NRXN3: variants seen among roughly 807,000 people sequenced by gnomAD.
NRXN3 encodes neurexin III.
NRXN3 carries 32 observed loss-of-function variants against 137.6 expected under a neutral mutation model. That is an observed-to-expected ratio of 0.23 (90% CI 0.18 to 0.31). NRXN3 has a LOEUF of 0.31. Ranked by LOEUF, NRXN3 falls within the 10% of genes least tolerant of loss-of-function variation. The probability of loss-of-function intolerance (pLI) is 1.00; values close to 1 mark genes in which losing one functional copy is unlikely to be tolerated. For missense variants in NRXN3, 1,574 were observed against 2,062.5 expected, an observed-to-expected ratio of 0.76 and a Z score of 4.59; for synonymous variants, 798 against 784.5, an observed-to-expected ratio of 1.02 and a Z score of -0.29.
chr14:78,458,811 T>G (rs59762056), intron 4 of NRXN3, among the ~76,000 whole-genome samples: 3,311 of 152,354 alleles, frequency 0.022, 114 homozygotes, highest in African/African-American at 0.072. Flanking sequence ...TATGAAAGTA[T>G]TCTCCAAATT....
intron 16 of NRXN3, among the ~76,000 whole-genome samples, chr14:79,602,054 T>C (rs2097929286): frequency 6.6e-6 from 1 of 152,242 alleles, no homozygotes. Context: ...TTTTCTTTGA[T>C]TTAAAACACT....
chr14:79,043,820 G>C (rs2099628904), intron 15 of NRXN3, among the ~76,000 whole-genome samples: 1 of 152,128 alleles, frequency 6.6e-6, no homozygotes, highest in Non-Finnish European at 1.5e-5. Context: ...ACATCGCTGA[G>C]AGAAATTCAA....
intron 10 of NRXN3, among the ~76,000 whole-genome samples, chr14:78,922,433 G>GA (rs2099273224): frequency 1.3e-5 from 2 of 152,114 alleles, no homozygotes; most frequent in Admixed American, 1.3e-4. Context: ...TCACAAAACA[G>GA]AAAAAAATGT....
chr14:79,351,658 G>T (rs2093213318), intron 15 of NRXN3, among the ~76,000 whole-genome samples: 1 of 152,140 alleles, frequency 6.6e-6, no homozygotes, highest in Non-Finnish European at 1.5e-5. Flanking sequence ...AACAGAGCAA[G>T]GGCTCACTAG....
chr14:79,550,602 A>G (rs1043583231), intron 16 of NRXN3, among the ~76,000 whole-genome samples: 3 of 152,198 alleles, frequency 2.0e-5, no homozygotes, highest in Non-Finnish European at 4.4e-5. Flanking sequence ...CATTCACAGT[A>G]GTCCAGAGGT....
chr14:79,778,855 GCTT>G (rs2099105623), intron 19 of NRXN3, among the ~76,000 whole-genome samples: 1 of 152,134 alleles, frequency 6.6e-6, no homozygotes, highest in Non-Finnish European at 1.5e-5. Flanking sequence ...CACTTCTTGG[GCTT>G]CTTCTACCTT....
intron 6 of NRXN3, 55 bp downstream of exon 6, chr14:78,651,381 A>G: frequency 6.4e-7 from 1 of 1,555,226 alleles, no homozygotes; most frequent in Non-Finnish European, 8.8e-7. Flanking sequence ...ATTTATAAAC[A>G]AATGACATGT....
chr14:78,276,488 A>G (rs564279387), intron 2 of NRXN3, among the ~76,000 whole-genome samples: 18 of 152,334 alleles, frequency 1.2e-4, no homozygotes, highest in African/African-American at 2.9e-4. Context: ...CAGAGTCACT[A>G]ACGTTATGTA....
chr14:79,684,890 A>C (rs1295470089), intron 17 of NRXN3, among the ~76,000 whole-genome samples: 2 of 152,118 alleles, frequency 1.3e-5, no homozygotes, highest in African/African-American at 4.8e-5. Flanking sequence ...CAGAGATGAC[A>C]CAGAGGGTGG....
At position 78,328,678 on chromosome 14, in the gene NRXN3, C is replaced by G. The variant is rs765235596; in HGVS notation, c.757+30818C>G. ...TATCCACACCAGTCCTTCTTGATAT[C>G]AAGAATTTTCCAGATATGTAATTTT... On this transcript the variant is annotated intron_variant, in intron 4 of 20. Coordinates refer to ENST00000335750, the MANE Select transcript of NRXN3 (RefSeq NM_001330195.2). Among the ~76,000 whole-genome samples, 20 of 152,208 alleles carry G rather than the reference C, an allele frequency of 1.3e-4. 1 individual carries two copies. The Middle Eastern group carries it at 0.01, about 78-fold the overall frequency.
intron 15 of NRXN3, among the ~76,000 whole-genome samples, chr14:79,335,853 A>C (rs1428035435): frequency 6.6e-6 from 1 of 151,600 alleles, no homozygotes; most frequent in Non-Finnish European, 1.5e-5. Context: ...TCATCCCTCA[A>C]CTCTGGTCCC....
chr14:79,643,678 T>C (rs178349), intron 16 of NRXN3, among the ~76,000 whole-genome samples: 132,974 of 133,814 alleles, frequency 0.99, 66,281 homozygotes, highest in Middle Eastern at 1. Flanking sequence ...ACTTCATTTT[T>C]CTTTTAATTA....
At chr14:79,244,530 G>A (rs555602666) in intron 15 of NRXN3, among the ~76,000 whole-genome samples, 146 of 152,214 alleles carry the variant, frequency 9.6e-4, no homozygotes, top group African/African-American at 3.4e-3. Context: ...AGATTTATTA[G>A]CATCCTGTCA....
At chr14:78,746,121 A>G (rs971156879) in intron 8 of NRXN3, among the ~76,000 whole-genome samples, 1 of 152,236 alleles carries the variant, frequency 6.6e-6, no homozygotes, top group Non-Finnish European at 1.5e-5. Flanking sequence ...TTTGATTCTA[A>G]TAGCTCAAAA....
At chr14:78,913,281 T>C (rs1461671738) in intron 10 of NRXN3, among the ~76,000 whole-genome samples, 5 of 131,368 alleles carry the variant, frequency 3.8e-5, no homozygotes, top group South Asian at 5.4e-4. Flanking sequence ...TTTCTTTTTT[T>C]TTTTTTTTTT....
intron 8 of NRXN3, among the ~76,000 whole-genome samples, chr14:78,732,894 G>A (rs2098523174): frequency 6.6e-6 from 1 of 152,164 alleles, no homozygotes; most frequent in Non-Finnish European, 1.5e-5. Context: ...GAGCAGTAAG[G>A]AATGAATTTA....
intron 15 of NRXN3, among the ~76,000 whole-genome samples, chr14:79,359,192 C>A (rs1487034337): frequency 6.6e-6 from 1 of 152,126 alleles, no homozygotes; most frequent in Non-Finnish European, 1.5e-5. Flanking sequence ...TCTTTCAATG[C>A]GTATCTGTTC....
At chr14:78,604,203 G>T (rs1428073437) in intron 4 of NRXN3, among the ~76,000 whole-genome samples, 1 of 152,040 alleles carries the variant, frequency 6.6e-6, no homozygotes, top group Non-Finnish European at 1.5e-5. Context: ...ATCTCCTACC[G>T]GGTTTCTCTC....
At chr14:79,731,428 A>G (rs970299938) in intron 19 of NRXN3, among the ~76,000 whole-genome samples, 3 of 152,246 alleles carry the variant, frequency 2.0e-5, no homozygotes, top group African/African-American at 7.2e-5. Context: ...TCTATAAACC[A>G]CACATCCCAT....
Sources: gnomAD v4.1 joint callset for allele counts (sites outside exome capture counted in the v4.1 genomes callset) on GRCh38, gnomAD v4.1.1 for gene constraint, MANE v1.5 for transcripts, NCBI Gene and HGNC (gene_info 2026-07-23, HGNC 2026-07-21) for gene names.